SAMMSON: variants seen among roughly 807,000 people sequenced by gnomAD.
SAMMSON encodes long intergenic non-protein coding RNA 1212.
At chr3:70,086,283 C>T (rs977553230) in intron 4 of SAMMSON, among the ~76,000 whole-genome samples, 3 of 152,154 alleles carry the variant, frequency 2.0e-5, no homozygotes, top group Non-Finnish European at 4.4e-5. Flanking sequence ...CATGGTTATC[C>T]TCTGTGGGTG....
intron 7 of SAMMSON, among the ~76,000 whole-genome samples, chr3:70,317,757 C>G (rs539091580): frequency 6.6e-6 from 1 of 151,712 alleles, no homozygotes; most frequent in Non-Finnish European, 1.5e-5. Flanking sequence ...TTCATTACAT[C>G]TAGTAGACCT....
chr3:70,154,804 C>G (rs2067585548), intron 4 of SAMMSON, among the ~76,000 whole-genome samples: 1 of 151,928 alleles, frequency 6.6e-6, no homozygotes, highest in African/African-American at 2.4e-5. Context: ...TATGGTAGGC[C>G]ATGCTACTTT....
intron 4 of SAMMSON, among the ~76,000 whole-genome samples, chr3:70,096,765 T>C (rs1298033344): frequency 6.6e-6 from 1 of 152,176 alleles, no homozygotes; most frequent in African/African-American, 2.4e-5. Context: ...CATGTTGTTA[T>C]TGTCCATGTA....
chr3:70,336,668 G>A (rs1424756937), intron 7 of SAMMSON, among the ~76,000 whole-genome samples: 5 of 152,006 alleles, frequency 3.3e-5, no homozygotes. Flanking sequence ...TGATGTCTGA[G>A]ATGGACCTTG....
At chr3:70,114,926 T>C (rs2067404264) in intron 4 of SAMMSON, among the ~76,000 whole-genome samples, 1 of 152,144 alleles carries the variant, frequency 6.6e-6, no homozygotes, top group Non-Finnish European at 1.5e-5. Context: ...ATTTTCATTT[T>C]CTTTTGCTGA....
chr3:70,235,909 C>T (rs146341498), intron 4 of SAMMSON, among the ~76,000 whole-genome samples: 1 of 152,134 alleles, frequency 6.6e-6, no homozygotes, highest in South Asian at 2.1e-4. Flanking sequence ...GTTCAATGGA[C>T]GTAAGCTTCC....
At chr3:70,015,094 C>G (rs746426314) in intron 3 of SAMMSON, 8 of 152,188 alleles carry the variant, frequency 5.3e-5, no homozygotes, top group Non-Finnish European at 8.8e-5. Context: ...TCTTGGCCAA[C>G]ACGGTGAAAC....
In SAMMSON at chr3:70,258,124, C is replaced by CA. The variant is rs564133143; in HGVS notation, n.674+8461dup. Among the ~76,000 whole-genome samples, 19 of 151,910 alleles carry CA rather than the reference C, an allele frequency of 1.3e-4. No individual in the cohort carries two copies. In the East Asian group the frequency reaches 3.5e-3, roughly 28 times the overall value. On this transcript the variant is annotated intron_variant and non_coding_transcript_variant, in intron 6 of 9. Coordinates refer to ENST00000642114, the Ensembl canonical transcript of SAMMSON. ...CCCAACTTTCATTTCACATCATAGACAAAAAAATTAATTTGAAATGGATCA... is the reference window on the plus strand; with the variant it reads ...CCCAACTTTCATTTCACATCATAGACAAAAAAAATTAATTTGAAATGGATCA...
chr3:70,205,061 A>G (rs1444801519), intron 4 of SAMMSON: 1 of 152,130 alleles, frequency 6.6e-6, no homozygotes, highest in Non-Finnish European at 1.5e-5. Flanking sequence ...TCATAATCTG[A>G]TAGCTACAGG....
At chr3:70,122,925 C>T (rs1018271993) in intron 4 of SAMMSON, among the ~76,000 whole-genome samples, 3 of 152,202 alleles carry the variant, frequency 2.0e-5, no homozygotes, top group Non-Finnish European at 2.9e-5. Context: ...GCATTCACCT[C>T]ACCGTCCTAG....
At chr3:70,241,295 G>A (rs1701665894) in intron 4 of SAMMSON, among the ~76,000 whole-genome samples, 1 of 152,086 alleles carries the variant, frequency 6.6e-6, no homozygotes, top group Admixed American at 6.6e-5. Context: ...GCAAATTATT[G>A]CTGGAACTCA....
At chr3:70,153,660 T>C (rs1399628109) in intron 4 of SAMMSON, among the ~76,000 whole-genome samples, 1 of 152,032 alleles carries the variant, frequency 6.6e-6, no homozygotes, top group Non-Finnish European at 1.5e-5. Context: ...ATTCTATATT[T>C]TTGCGATTTT....
chr3:70,249,152 G>T (rs1701735814), exon 5 of SAMMSON: 1 of 152,142 alleles, frequency 6.6e-6, no homozygotes, highest in African/African-American at 2.4e-5. Flanking sequence ...ATGTACACTT[G>T]GACCAAGTTC....
rs537132620 is a variant in SAMMSON, at chr3:70,270,558, G to A, written n.675-20621G>A. ...ATATACATGGCTGCTTTCTTAGTCT[G>A]AGTTCAGTGTTTGCAGAAAGTTGGC... is the stretch of plus-strand genomic sequence containing the variant. On this transcript the variant is annotated intron_variant and non_coding_transcript_variant, in intron 6 of 9. Coordinates refer to ENST00000642114, the Ensembl canonical transcript of SAMMSON. Among the ~76,000 whole-genome samples the A allele has an allele frequency of 9.9e-5, 15 of 152,188 alleles. No individual in the cohort carries two copies. In the East Asian group the frequency reaches 2.9e-3, roughly 29 times the overall value.
intron 6 of SAMMSON, among the ~76,000 whole-genome samples, chr3:70,252,192 C>G (rs1276925813): frequency 6.6e-6 from 1 of 152,126 alleles, no homozygotes; most frequent in East Asian, 1.9e-4. Context: ...TGTTACTTGG[C>G]AAAATTGAAC....
At chr3:70,033,313 G>A (rs922069730) in intron 3 of SAMMSON, among the ~76,000 whole-genome samples, 2 of 152,116 alleles carry the variant, frequency 1.3e-5, no homozygotes, top group East Asian at 3.9e-4. Flanking sequence ...TTCAGGCTGG[G>A]CTTTCATGAG....
intron 4 of SAMMSON, among the ~76,000 whole-genome samples, chr3:70,226,591 A>T (rs895337288): frequency 6.6e-6 from 1 of 151,614 alleles, no homozygotes; most frequent in African/African-American, 2.4e-5. Context: ...TACAAAAATT[A>T]GCCAGGCATG....
chr3:70,298,078 G>T (rs957485076), intron 7 of SAMMSON, among the ~76,000 whole-genome samples: 4 of 152,006 alleles, frequency 2.6e-5, no homozygotes, highest in Non-Finnish European at 4.4e-5. Context: ...AAAAAACAGG[G>T]CTGTGTATAA....
chr3:70,169,162 T>G (rs1201113215), intron 4 of SAMMSON, among the ~76,000 whole-genome samples: 1 of 152,070 alleles, frequency 6.6e-6, no homozygotes, highest in Non-Finnish European at 1.5e-5. Context: ...AAAGATATTT[T>G]GGATAAACTT....
Sources: allele counts gnomAD v4.1 joint callset (sites outside exome capture counted in the v4.1 genomes callset), GRCh38; gene constraint gnomAD v4.1.1; transcripts MANE v1.5; gene names NCBI Gene and HGNC (gene_info 2026-07-23, HGNC 2026-07-21).